Variants in LPGAT1 observed in about 807,000 individuals in gnomAD.
The protein encoded by LPGAT1 is acyl-CoA:lysophosphatidylglycerol acyltransferase 1.
A neutral mutation model predicts 47.5 loss-of-function variants in LPGAT1; 11 were observed. That is an observed-to-expected ratio of 0.23 (90% CI 0.15 to 0.38). The LOEUF (loss-of-function observed/expected upper bound fraction) is 0.38, where lower values mean the gene tolerates loss of function less well. Ranked by LOEUF, LPGAT1 falls within the 10% of genes least tolerant of loss-of-function variation. The pLI, the probability that LPGAT1 is intolerant of heterozygous loss-of-function variation, is 1.00. For missense variants in LPGAT1, 293 were observed against 439.0 expected (o/e 0.67, Z 2.97); for synonymous variants, 138 against 144.2 (o/e 0.96, Z 0.31).
chr1:211,780,976 T>C (rs891953133), intron 5 of LPGAT1, among the ~76,000 whole-genome samples: 6 of 152,172 alleles, frequency 3.9e-5, no homozygotes, highest in Non-Finnish European at 7.4e-5. Flanking sequence ...ATAACAAAAA[T>C]ACTAATCCTT....
rs143988090 is a variant in LPGAT1, at chr1:211,825,000, C to A, written c.238+4059G>T. Among the ~76,000 whole-genome samples the A allele has an allele frequency of 2.5e-4, 38 of 152,118 alleles. 1 individual carries two copies. The highest frequency in any genetic ancestry group is 8.2e-4 in the African/African-American group (34 of 41,494). ...CCATCAGCTTTCCCTAAAGCCCCCC[C>A]CAAATAATGCCCCAATTTAAGGAAA... On this transcript the variant is annotated intron_variant, in intron 2 of 7. Coordinates refer to ENST00000366997, the MANE Select transcript of LPGAT1 (RefSeq NM_014873.3).
chr1:211,794,463 C>T (rs1659270242), intron 2 of LPGAT1, among the ~76,000 whole-genome samples: 2 of 152,066 alleles, frequency 1.3e-5, no homozygotes, highest in Admixed American at 1.3e-4. Context: ...GTCACCAAGT[C>T]CAGCTAACTT....
chr1:211,775,718 C>T (rs1304921818), intron 6 of LPGAT1, among the ~76,000 whole-genome samples: 3 of 151,946 alleles, frequency 2.0e-5, no homozygotes, highest in African/African-American at 7.3e-5. Context: ...CACCTGAGGT[C>T]GGGAGTTCGA....
chr1:211,801,834 C>T (rs1187542789), intron 2 of LPGAT1, among the ~76,000 whole-genome samples: 1 of 151,350 alleles, frequency 6.6e-6, no homozygotes, highest in African/African-American at 2.4e-5. Context: ...AATCCCAGCA[C>T]TTTGGGAGGC....
At position 211,744,804 on chromosome 1, in the gene LPGAT1, G is replaced by A. The variant is rs908728312; in HGVS notation, c.*5095C>T. ...TGGATTGGGAGAATGGGGAGAAAGG[G>A]GGAAATATTTTTAAACCAAAGAAGG... On this transcript the variant is annotated 3_prime_UTR_variant, in exon 8 of 8. Coordinates refer to ENST00000366997, the MANE Select transcript of LPGAT1 (RefSeq NM_014873.3). 1 of 152,288 alleles carries A rather than the reference G, an allele frequency of 6.6e-6. No individual in the cohort carries two copies. Among genetic ancestry groups the A allele is most frequent in the African/African-American group, 2.4e-5 (1 of 41,420 alleles). The allele number at this position is 152,288 out of a possible 1,614,324, so 9.4% of individuals were successfully genotyped here.
At chr1:211,784,242 T>C (rs1048971802) in intron 4 of LPGAT1, among the ~76,000 whole-genome samples, 2 of 152,138 alleles carry the variant, frequency 1.3e-5, no homozygotes, top group African/African-American at 4.8e-5. Flanking sequence ...CATCTTTGGA[T>C]AGTTTTGAAC....
At chr1:211,762,932 G>A (rs986526686) in intron 6 of LPGAT1, among the ~76,000 whole-genome samples, 2 of 152,142 alleles carry the variant, frequency 1.3e-5, no homozygotes, top group Non-Finnish European at 2.9e-5. Context: ...ATTGTGTAAG[G>A]AACTAAGCAC....
At chr1:211,797,311 CT>C (rs200601647) in intron 2 of LPGAT1, among the ~76,000 whole-genome samples, 10,578 of 122,556 alleles carry the variant, frequency 0.086, 361 homozygotes, top group Admixed American at 0.15. Flanking sequence ...CTTTCCTTTT[CT>C]TTTTTTTTTT....
chr1:211,768,743 C>A (rs1323981494), intron 6 of LPGAT1, among the ~76,000 whole-genome samples: 2 of 152,114 alleles, frequency 1.3e-5, no homozygotes, highest in African/African-American at 4.8e-5. Flanking sequence ...CAAGAAATAT[C>A]ATTAGAAAAT....
intron 3 of LPGAT1, 124 bp downstream of exon 3, chr1:211,792,948 G>A (rs1345426391): frequency 3.4e-6 from 2 of 589,076 alleles, no homozygotes; most frequent in East Asian, 3.1e-5. Context: ...TTGACCTCAT[G>A]ATCCACCCAC....
In LPGAT1 at chr1:211,749,723, C is replaced by A; in HGVS notation, c.*176G>T. ...AATATATTAGCAGGTCATTATATTA[C>A]TAATCCTCATTTTAGTAGATTTTAA... On this transcript the variant is annotated 3_prime_UTR_variant, in exon 8 of 8. Coordinates refer to ENST00000366997, the MANE Select transcript of LPGAT1 (RefSeq NM_014873.3). 1 of 639,756 alleles carries A rather than the reference C, an allele frequency of 1.6e-6. No individual in the cohort carries two copies. Among genetic ancestry groups the A allele is most frequent in the Non-Finnish European group, 2.7e-6 (1 of 371,016 alleles). The allele number at this position is 639,756 out of a possible 1,614,324, so 39.6% of individuals were successfully genotyped here.
At chr1:211,786,958 T>C (rs1658904807) in intron 4 of LPGAT1, among the ~76,000 whole-genome samples, 6 of 152,136 alleles carry the variant, frequency 3.9e-5, no homozygotes, top group Admixed American at 2.0e-4. Flanking sequence ...ACAACCATTG[T>C]GGGGGATACT....
chr1:211,819,518 T>A (rs1034066041), intron 2 of LPGAT1, among the ~76,000 whole-genome samples: 12 of 151,816 alleles, frequency 7.9e-5, no homozygotes, highest in East Asian at 1.9e-4. Flanking sequence ...AACCAAAAAA[T>A]TTAAATCTAA....
At chr1:211,778,481 C>A (rs940807110) in intron 6 of LPGAT1, among the ~76,000 whole-genome samples, 2 of 152,042 alleles carry the variant, frequency 1.3e-5, no homozygotes, top group African/African-American at 2.4e-5. Flanking sequence ...AGTGGCCATT[C>A]TTTTATTCCT....
At chr1:211,756,370 A>C (rs1358849519) in intron 6 of LPGAT1, among the ~76,000 whole-genome samples, 1 of 152,166 alleles carries the variant, frequency 6.6e-6, no homozygotes, top group Non-Finnish European at 1.5e-5. Flanking sequence ...TCACTCTGTC[A>C]CTCAGGCTGG....
intron 2 of LPGAT1, among the ~76,000 whole-genome samples, chr1:211,812,429 G>C (rs757841667): frequency 2.0e-5 from 3 of 152,096 alleles, no homozygotes; most frequent in Non-Finnish European, 2.9e-5. Context: ...CACACTATAG[G>C]TATAAGGTTC....
intron 2 of LPGAT1, among the ~76,000 whole-genome samples, chr1:211,821,404 C>G (rs1489303535): frequency 2.0e-5 from 3 of 152,162 alleles, no homozygotes; most frequent in Non-Finnish European, 2.9e-5. Flanking sequence ...CACAAAGTAC[C>G]TGGGTGAACA....
rs910797103 is a variant in LPGAT1, at chr1:211,745,002, T to C, written c.*4897A>G. 4 of 152,640 alleles carry C rather than the reference T, an allele frequency of 2.6e-5. No individual in the cohort carries two copies. The highest frequency in any genetic ancestry group is 4.4e-5 in the Non-Finnish European group (3 of 68,044). 9.5% of individuals were successfully genotyped at this position (152,640 alleles called of 1,614,324 possible). A position where few individuals can be genotyped will look rare whatever the true frequency, so the allele number is the denominator to read the frequency against. The stretch of plus-strand genomic sequence containing the variant: ...CACTTTAATTGAAAAAAATCAACTT[T>C]ATTTTTTCTAGGTTTAAAAAAAATA... On this transcript the variant is annotated 3_prime_UTR_variant, in exon 8 of 8. Transcript: ENST00000366997.
chr1:211,755,040 CA>C (rs11390656), intron 6 of LPGAT1, among the ~76,000 whole-genome samples: 93 of 74,522 alleles, frequency 1.2e-3, no homozygotes, highest in Admixed American at 1.7e-3. Flanking sequence ...ACTCCGTCTC[CA>C]AAAAAAAAAA....
Sources: allele counts gnomAD v4.1 joint callset (sites outside exome capture counted in the v4.1 genomes callset), GRCh38; gene constraint gnomAD v4.1.1; transcripts MANE v1.5; gene names NCBI Gene and HGNC (gene_info 2026-07-23, HGNC 2026-07-21).